STAP1: variants seen among roughly 807,000 people sequenced by gnomAD.
STAP1 encodes the protein signal-transducing adaptor protein 1.
STAP1 carries 30 observed loss-of-function variants against 37.8 expected under a neutral mutation model. That is an observed-to-expected ratio of 0.79 (90% CI 0.59 to 1.08). The LOEUF (loss-of-function observed/expected upper bound fraction) is 1.08, where lower values mean the gene tolerates loss of function less well. Among genes scored for constraint, STAP1 ranks in the 50% least tolerant of loss-of-function variants. The pLI, the probability that STAP1 is intolerant of heterozygous loss-of-function variation, is 0.00. For missense variants in STAP1, 357 were observed against 349.4 expected, an observed-to-expected ratio of 1.02 and a Z score of -0.17; for synonymous variants, 130 against 116.0, an observed-to-expected ratio of 1.12 and a Z score of -0.78.
At chr4:67,604,504 C>T (rs1728409578) in intron 8 of STAP1, among the ~76,000 whole-genome samples, 1 of 152,138 alleles carries the variant, frequency 6.6e-6, no homozygotes, top group Admixed American at 6.6e-5. Context: ...TTGTTGAGAA[C>T]ATCTATCTTT....
At chr4:67,571,920 A>C (rs189364781) in intron 2 of STAP1, among the ~76,000 whole-genome samples, 1 of 152,332 alleles carries the variant, frequency 6.6e-6, no homozygotes, top group African/African-American at 2.4e-5. Context: ...TGCCATAATA[A>C]ATTTTACAAA....
At chr4:67,566,659 C>T (rs1350556640) in intron 1 of STAP1, among the ~76,000 whole-genome samples, 7 of 152,140 alleles carry the variant, frequency 4.6e-5, no homozygotes, top group Admixed American at 6.6e-5. Flanking sequence ...TTCACCCTGG[C>T]AGTACTGAGC....
chr4:67,580,840 G>A (rs1239411030), intron 4 of STAP1, among the ~76,000 whole-genome samples: 4 of 152,212 alleles, frequency 2.6e-5, no homozygotes, highest in African/African-American at 9.6e-5. Context: ...ACCTCTGACT[G>A]CTGCTCTTCA....
At chr4:67,582,272 G>A (rs6552109) in intron 5 of STAP1, among the ~76,000 whole-genome samples, 124,554 of 151,562 alleles carry the variant, frequency 0.82, 52,079 homozygotes, top group Non-Finnish European at 0.9. Context: ...TTGTTCCACC[G>A]CTCAGAGATA....
intron 4 of STAP1, among the ~76,000 whole-genome samples, chr4:67,578,462 G>A (rs3775866): frequency 0.26 from 39,766 of 152,034 alleles, 5,437 homozygotes; most frequent in South Asian, 0.36. Context: ...CTATTGTGTA[G>A]GGAAGTTATA....
intron 6 of STAP1, among the ~76,000 whole-genome samples, 171 bp from the exon 7 acceptor site, chr4:67,590,713 C>T (rs1450585545): frequency 6.7e-6 from 1 of 149,436 alleles, no homozygotes; most frequent in East Asian, 1.9e-4. Context: ...ACTCTGCAAA[C>T]CAGGTAAACA....
chr4:67,588,509 A>G (rs1728047651), intron 6 of STAP1, among the ~76,000 whole-genome samples: 1 of 151,876 alleles, frequency 6.6e-6, no homozygotes, highest in Admixed American at 6.6e-5. Flanking sequence ...TCCCGGGTTC[A>G]CGCCATTCTC....
chr4:67,591,824 A>G (rs1226202114), intron 7 of STAP1, among the ~76,000 whole-genome samples: 1 of 152,256 alleles, frequency 6.6e-6, no homozygotes, highest in Non-Finnish European at 1.5e-5. Flanking sequence ...CATCTTTGCC[A>G]TAAGTGCCTC....
chr4:67,586,036 G>A (rs917692357), intron 6 of STAP1, among the ~76,000 whole-genome samples: 14 of 152,192 alleles, frequency 9.2e-5, no homozygotes, highest in Non-Finnish European at 1.8e-4. Context: ...ACCAAAGAGC[G>A]TGATTTTTTT....
intron 1 of STAP1, among the ~76,000 whole-genome samples, chr4:67,564,829 C>G (rs578197897): frequency 6.6e-6 from 1 of 152,270 alleles, no homozygotes; most frequent in East Asian, 1.9e-4. Context: ...GGGAGAATGG[C>G]TTCAACCTGG....
chr4:67,602,434 G>A (rs1353295261), intron 8 of STAP1, among the ~76,000 whole-genome samples: 1 of 152,038 alleles, frequency 6.6e-6, no homozygotes, highest in East Asian at 1.9e-4. Context: ...AAAGAGTTAG[G>A]TACTTAATCT....
chr4:67,602,748 C>T (rs1728371397), intron 8 of STAP1, among the ~76,000 whole-genome samples: 1 of 152,118 alleles, frequency 6.6e-6, no homozygotes, highest in African/African-American at 2.4e-5. Flanking sequence ...TGTGTGTGTG[C>T]TGAGCTGCCT....
At chr4:67,589,526 C>G (rs965566335) in intron 6 of STAP1, among the ~76,000 whole-genome samples, 1 of 152,104 alleles carries the variant, frequency 6.6e-6, no homozygotes, top group South Asian at 2.1e-4. Context: ...GTAGAAAGAC[C>G]CTGTGCCTAG....
chr4:67,559,683 A>G (rs1727290519), intron 1 of STAP1, among the ~76,000 whole-genome samples: 1 of 152,134 alleles, frequency 6.6e-6, no homozygotes, highest in Non-Finnish European at 1.5e-5. Flanking sequence ...CTGTTATTAA[A>G]TAAAAAAATC....
intron 6 of STAP1, among the ~76,000 whole-genome samples, chr4:67,589,992 T>TG (rs1728086317): frequency 6.6e-6 from 1 of 151,990 alleles, no homozygotes; most frequent in Non-Finnish European, 1.5e-5. Flanking sequence ...TTTGTAGAGA[T>TG]GGGGTCTCAT....
At chr4:67,588,496 G>A (rs932361552) in intron 6 of STAP1, among the ~76,000 whole-genome samples, 35 of 151,914 alleles carry the variant, frequency 2.3e-4, no homozygotes, top group African/African-American at 5.6e-4. Flanking sequence ...TGCCATCTCC[G>A]CCTCCCGGGT....
At chr4:67,564,045 G>A (rs558128694) in intron 1 of STAP1, among the ~76,000 whole-genome samples, 1 of 151,492 alleles carries the variant, frequency 6.6e-6, no homozygotes. Flanking sequence ...GTACCTAGAT[G>A]TTGTTTATTG....
chr4:67,603,023 C>T (rs192161828), intron 8 of STAP1, among the ~76,000 whole-genome samples: 1 of 152,268 alleles, frequency 6.6e-6, no homozygotes, highest in Non-Finnish European at 1.5e-5. Context: ...CATCCAGGAG[C>T]CAGGGCCTGG....
intron 8 of STAP1, among the ~76,000 whole-genome samples, chr4:67,602,890 G>A (rs1013162946): frequency 2.6e-5 from 4 of 152,076 alleles, no homozygotes; most frequent in Non-Finnish European, 2.9e-5. Flanking sequence ...TCTGGGTACC[G>A]CTGATGTTCA....
Sources: allele counts gnomAD v4.1 joint callset (sites outside exome capture counted in the v4.1 genomes callset), GRCh38; gene constraint gnomAD v4.1.1; transcripts MANE v1.5; gene names NCBI Gene and HGNC (gene_info 2026-07-23, HGNC 2026-07-21).